The following TRAF7 variants were observed in gnomAD, a reference collection of about 807,000 sequenced individuals.
The protein encoded by TRAF7 is TNF receptor associated factor 7.
TRAF7 carries 45 observed loss-of-function variants against 89.3 expected under a neutral mutation model. The ratio of observed to expected loss-of-function variants is 0.50; its 90% CI spans 0.40 to 0.65. The LOEUF (loss-of-function observed/expected upper bound fraction) is 0.65, where lower values mean the gene tolerates loss of function less well. Among genes scored for constraint, TRAF7 ranks in the 30% least tolerant of loss-of-function variants. The probability of loss-of-function intolerance (pLI) is 0.00; values close to 1 mark genes in which losing one functional copy is unlikely to be tolerated. For synonymous variants in TRAF7, 406 were observed against 369.2 expected, an observed-to-expected ratio of 1.10 and a Z score of -1.14; for missense variants, 677 against 918.1, an observed-to-expected ratio of 0.74 and a Z score of 3.39.
Position 2,168,014 on chromosome 16 carries a change from C to A in TRAF7, c.140-63C>A. 1 of 1,506,578 alleles carries A rather than the reference C, an allele frequency of 6.6e-7. No individual in the cohort carries two copies. The highest frequency in any genetic ancestry group is 9.1e-7 in the Non-Finnish European group (1 of 1,096,428). 93.3% of individuals were successfully genotyped at this position (1,506,578 alleles called of 1,614,324 possible). On this transcript the variant is annotated intron_variant, in intron 3 of 20. Transcript: ENST00000326181. This position sits in a 1 kb window ranked among gnomAD's most constrained non-coding sequence, Gnocchi z 4.1. Reference sequence around the variant, plus strand: ...CACAGGGTCGGGTATCCAGCATGGGCCCCACCTCCCCCACATCTGCTGAGG... The same window carrying A: ...CACAGGGTCGGGTATCCAGCATGGGACCCACCTCCCCCACATCTGCTGAGG...
At chr16:2,167,985 G>A in intron 3 of TRAF7, 92 bp from the exon 4 acceptor site, 1 of 1,170,752 alleles carries the variant, frequency 8.5e-7, no homozygotes, top group Non-Finnish European at 1.2e-6. Flanking sequence ...AGCTACAGGG[G>A]ACCCACAGGG....
At chr16:2,156,857 C>T (rs1488474137) in intron 1 of TRAF7, among the ~76,000 whole-genome samples, 1 of 152,172 alleles carries the variant, frequency 6.6e-6, no homozygotes, top group Non-Finnish European at 1.5e-5. Flanking sequence ...TCAGAGTTCA[C>T]TGGGGAAGCA....
In TRAF7 at chr16:2,171,670, C is replaced by T. The variant is rs905596280; in HGVS notation, c.475+65C>T. 2.4e-5 allele frequency: 39 copies of T among 1,609,166 alleles called. No individual in the cohort carries two copies. In the East Asian group the frequency reaches 5.8e-4, roughly 24 times the overall value. ...CCCATGGCTGCCGAGCAGAGGCGGG[C>T]GGCTTCTCCCTTGTCCCCTGCACAG... is the stretch of plus-strand genomic sequence containing the variant. On this transcript the variant is annotated intron_variant, in intron 7 of 20. Transcript: ENST00000326181.
In TRAF7 at chr16:2,164,134, G is replaced by T. The variant is rs549009069; in HGVS notation, c.81+133G>T. 3.9e-4 allele frequency: 279 copies of T among 711,880 alleles called. 1 individual carries two copies. The highest frequency in any genetic ancestry group is 1.8e-3 in the African/African-American group (94 of 53,068). The allele number at this position is 711,880 out of a possible 1,614,324, so 44.1% of individuals were successfully genotyped here. ...GTCTCAGGGGAGCTCGGTGGGGGGG[G>T]GTGTGGTGTGTGTGTGTGTGTGTGT... On this transcript the variant is annotated intron_variant, in intron 2 of 20. Transcript: ENST00000326181.
At position 2,176,547 on chromosome 16, in the gene TRAF7, C is replaced by A. The variant is rs1358907163; in HGVS notation, c.1999-13C>A. ...CCGCAGGACATCCTGGTGAAGCAGC[C>A]CTTTCTCTGCAGGTTTGGACTTGCT... On this transcript the variant is annotated splice_polypyrimidine_tract_variant and intron_variant, in intron 20 of 20. Coordinates refer to ENST00000326181, the MANE Select transcript of TRAF7 (RefSeq NM_032271.3). The A allele has an allele frequency of 1.2e-6, 2 of 1,613,352 alleles. No individual in the cohort carries two copies. The highest frequency in any genetic ancestry group is 2.2e-5 in the South Asian group (2 of 91,082).
At chr16:2,169,290 G>T (rs1035317705) in intron 4 of TRAF7, among the ~76,000 whole-genome samples, 1 of 152,194 alleles carries the variant, frequency 6.6e-6, no homozygotes, top group Non-Finnish European at 1.5e-5. Context: ...AGCCAGAAAA[G>T]AAGTTTTTAA....
Position 2,172,384 on chromosome 16 carries a change from C to A in TRAF7, c.659+10C>A, listed in dbSNP as rs1242672502. On this transcript the variant is annotated intron_variant, in intron 8 of 20. Transcript: ENST00000326181. ...AGCTCAGCGCCCGGAAGTAAGTGCC[C>A]CTCCCTGGGCACCTCTGCCTCCCTG... 2 of 1,611,302 alleles carry A rather than the reference C, an allele frequency of 1.2e-6. No homozygotes were observed. The highest frequency in any genetic ancestry group is 2.7e-5 in the African/African-American group (2 of 74,906).
intron 3 of TRAF7, among the ~76,000 whole-genome samples, chr16:2,167,839 C>T (rs1481450450): frequency 6.6e-6 from 1 of 152,100 alleles, no homozygotes; most frequent in Non-Finnish European, 1.5e-5. Context: ...CCGGGCTCAG[C>T]GCTGGGACTG....
In TRAF7 at chr16:2,168,186, G is replaced by C; in HGVS notation, c.231+18G>C. 1.3e-6 allele frequency: 2 copies of C among 1,597,164 alleles called. No homozygotes were observed. The highest frequency in any genetic ancestry group is 1.7e-6 in the Non-Finnish European group (2 of 1,173,108). On this transcript the variant is annotated intron_variant, in intron 4 of 20. Transcript: ENST00000326181. The surrounding 1 kb of genome is among the most constrained non-coding windows in gnomAD (Gnocchi z 4.1). ...ACAGCATGGTAGGTCCCTACCCCCA[G>C]GAGCCCGTGTGAGCCTCAGCCTCCC... is the stretch of plus-strand genomic sequence containing the variant.
chr16:2,165,271 G>A (rs554710154), intron 2 of TRAF7, among the ~76,000 whole-genome samples: 150 of 139,744 alleles, frequency 1.1e-3, no homozygotes, highest in Non-Finnish European at 1.8e-3. Context: ...ATGGTTAAGC[G>A]TGTTAGTGCT....
intron 14 of TRAF7, among the ~76,000 whole-genome samples, 178 bp downstream of exon 14, chr16:2,174,511 G>A (rs1422362390): frequency 6.6e-6 from 1 of 152,204 alleles, no homozygotes; most frequent in Non-Finnish European, 1.5e-5. Flanking sequence ...GCCCTTGTGT[G>A]GCCTACACCA....
In TRAF7 at chr16:2,177,988, C is replaced by A. The variant is rs138680218; in HGVS notation, c.*1414C>A. 89 of 392,328 alleles carry A rather than the reference C, an allele frequency of 2.3e-4. No individual in the cohort carries two copies. Among genetic ancestry groups the A allele is most frequent in the African/African-American group, 1.6e-3 (75 of 46,942 alleles). The allele number at this position is 392,328 out of a possible 1,614,324, so 24.3% of individuals were successfully genotyped here. On this transcript the variant is annotated 3_prime_UTR_variant, in exon 21 of 21. Coordinates refer to ENST00000326181, the MANE Select transcript of TRAF7 (RefSeq NM_032271.3). ...TTTTGTCCGGAGCTAGACTTCGTGT[C>A]CTTTCAGTTGGTAAATGGTTTTCTA...
chr16:2,168,119 C>A lies in TRAF7; in HGVS notation c.182C>A (p.Ser61Tyr). ...STYKQHCRTP[S>Y]SSSTLAYSPR... ...TACAAGCAGCACTGCAGGACACCCT[C>A]CTCCTCCAGCACCCTTGCCTACTCC... Residue 61 changes from serine to tyrosine, a missense_variant, in exon 4 of 21, where the codon TCC (serine) becomes TAC (tyrosine). Around this residue, in one of 6 missense-constraint regions of TRAF7, gnomAD observed 240 missense variants for 191.9 expected, o/e 1.25. Transcript: ENST00000326181. The surrounding 1 kb of genome is among the most constrained non-coding windows in gnomAD (Gnocchi z 4.1). The A allele has an allele frequency of 6.2e-7, 1 of 1,612,452 alleles. No homozygotes were observed.
chr16:2,155,977 C>T (rs954282081), intron 1 of TRAF7, 119 bp downstream of exon 1: 1 of 12,808 alleles, frequency 7.8e-5, no homozygotes, highest in East Asian at 1.6e-3. Context: ...CGGGCCGGGG[C>T]GGGGAGGGGG....
rs1397255714 is a variant in TRAF7, at chr16:2,164,997, G to A, written c.82-882G>A. Among the ~76,000 whole-genome samples the A allele has an allele frequency of 3.8e-3, 381 of 100,732 alleles. 1 individual carries two copies. The highest frequency in any genetic ancestry group is 5.1e-3 in the Non-Finnish European group (278 of 54,092). The allele number at this position is 100,732 out of a possible 152,430, so 66.1% of individuals were successfully genotyped here. A position where few individuals can be genotyped will look rare whatever the true frequency, so the allele number is the denominator to read the frequency against. On this transcript the variant is annotated intron_variant, in intron 2 of 20. Transcript: ENST00000326181. ...GCATGGTTAAGCGTGTGAGTGCTGC[G>A]TGGCCTGGCCTGGTCGCATGGTTAA...
At chr16:2,157,673 GA>G (rs1377502743) in intron 1 of TRAF7, among the ~76,000 whole-genome samples, 1 of 152,108 alleles carries the variant, frequency 6.6e-6, no homozygotes, top group African/African-American at 2.4e-5. Flanking sequence ...GGGAAAGGAG[GA>G]AGATGCAGTT....
chr16:2,176,203 C>G (rs2093135135), intron 19 of TRAF7, 23 bp downstream of exon 19: 1 of 1,601,646 alleles, frequency 6.2e-7, no homozygotes, highest in African/African-American at 1.3e-5. Flanking sequence ...CCAGCGGTGG[C>G]AGGAGGCTCA....
chr16:2,165,231 T>C (rs2093079451), intron 2 of TRAF7, among the ~76,000 whole-genome samples: 1 of 138,346 alleles, frequency 7.2e-6, no homozygotes, highest in Non-Finnish European at 1.6e-5. Context: ...TGGTTAAGCG[T>C]GTTAGTGCTA....
In TRAF7 at chr16:2,168,193, G is replaced by A. The variant is rs746174673; in HGVS notation, c.231+25G>A. On this transcript the variant is annotated intron_variant, in intron 4 of 20. Transcript: ENST00000326181. The surrounding 1 kb of genome is among the most constrained non-coding windows in gnomAD (Gnocchi z 4.1). ...GGTAGGTCCCTACCCCCAGGAGCCCGTGTGAGCCTCAGCCTCCCCCCATCC... is the reference window on the plus strand; with the variant it reads ...GGTAGGTCCCTACCCCCAGGAGCCCATGTGAGCCTCAGCCTCCCCCCATCC... The A allele has an allele frequency of 1.8e-5, 28 of 1,586,424 alleles. No individual in the cohort carries two copies. The East Asian group carries it at 1.8e-4, about 10-fold the overall frequency.
Sources: allele counts gnomAD v4.1 joint callset (sites outside exome capture counted in the v4.1 genomes callset), GRCh38; gene constraint gnomAD v4.1.1; regional missense constraint gnomAD v4.1.1; non-coding constraint Gnocchi (gnomAD v3.1); transcripts MANE v1.5; gene names NCBI Gene and HGNC (gene_info 2026-07-23, HGNC 2026-07-21).